ARHGAP20: variants seen among roughly 807,000 people sequenced by gnomAD.
ARHGAP20 encodes the protein Rho GTPase activating protein 20, also known as rho GTPase-activating protein 20.
Under a neutral mutation model 73.7 loss-of-function variants are expected in ARHGAP20, and 34 were observed. That is an observed-to-expected ratio of 0.46 (90% confidence interval 0.35 to 0.61). ARHGAP20 has a LOEUF of 0.61. ARHGAP20 is among the 20% of genes least tolerant of loss of function. ARHGAP20 has a pLI of 0.00. For synonymous variants in ARHGAP20, 523 were observed against 518.2 expected (o/e 1.01, Z -0.13); for missense variants, 1,314 against 1,420.9 (o/e 0.92, Z 1.21).
At chr11:110,639,578 A>G (rs77791302) in intron 2 of ARHGAP20, among the ~76,000 whole-genome samples, 3,344 of 152,066 alleles carry the variant, frequency 0.022, 126 homozygotes, top group African/African-American at 0.076. Flanking sequence ...TAAGCAGTCT[A>G]TAAGCTTTTC....
chr11:110,694,349 C>G (rs761356654), intron 1 of ARHGAP20, among the ~76,000 whole-genome samples: 3 of 151,694 alleles, frequency 2.0e-5, no homozygotes, highest in Non-Finnish European at 4.4e-5. Context: ...GGTTGGTGTA[C>G]AAGTAATTGC....
intron 2 of ARHGAP20, among the ~76,000 whole-genome samples, chr11:110,650,916 T>G (rs1234108663): frequency 6.6e-6 from 1 of 152,110 alleles, no homozygotes; most frequent in East Asian, 1.9e-4. Context: ...AGGACAAATC[T>G]TTCAATTTTG....
rs962746859 is a variant in ARHGAP20, at chr11:110,704,186, T to C, written c.105+7941A>G. 1.2e-4 allele frequency among the ~76,000 whole-genome samples: 19 copies of C among 152,264 alleles called. 1 individual carries two copies. The highest frequency in any genetic ancestry group is 4.6e-4 in the Admixed American group (7 of 15,286). ...TAGTGTTACCTGGTGATGGCTATTG[T>C]TAAAGCTGAGGTTCAAAAGAGTGAA... On this transcript the variant is annotated intron_variant, in intron 1 of 14. Transcript: ENST00000683387.
chr11:110,612,383 G>A (rs1464195159), intron 6 of ARHGAP20, among the ~76,000 whole-genome samples: 18 of 151,288 alleles, frequency 1.2e-4, no homozygotes, highest in Non-Finnish European at 2.2e-4. Context: ...AGCCGAGATC[G>A]CGCCACTGCA....
chr11:110,644,404 C>A (rs1383883928), intron 2 of ARHGAP20, among the ~76,000 whole-genome samples: 1 of 151,898 alleles, frequency 6.6e-6, no homozygotes, highest in Non-Finnish European at 1.5e-5. Flanking sequence ...GACTTCAAAC[C>A]ATACTACAAG....
chr11:110,624,180 T>C lies in ARHGAP20; in HGVS notation c.485A>G (p.Asn162Ser), dbSNP rs771763099. 1.9e-6 allele frequency: 3 copies of C among 1,611,290 alleles called. No individual in the cohort carries two copies. The highest frequency in any genetic ancestry group is 4.5e-5 in the East Asian group (2 of 44,724). ...TTCTTACCTGAAAGTGGCCACAAAG[T>C]TCACTGTGGGCCAGCCCAAAACAAA... ...KSFVLGWPTV[N>S]FVATFSSPEQ... is the part of the protein sequence containing the mutation. The change falls in exon 4 of 15, where the codon AAC becomes AGC. Residue 162 changes from asparagine to serine, a missense_variant. Physicochemically the swap from Asn to Ser is conservative, Grantham distance 46. Transcript: ENST00000683387.
chr11:110,662,225 GGA>G (rs1169659429), intron 2 of ARHGAP20, among the ~76,000 whole-genome samples: 3 of 151,702 alleles, frequency 2.0e-5, no homozygotes, highest in Non-Finnish European at 4.4e-5. Flanking sequence ...ACAGTATTGA[GGA>G]GACAGAAATA....
chr11:110,625,026 ATT>A (rs1565445279), intron 3 of ARHGAP20, among the ~76,000 whole-genome samples: 5 of 112,454 alleles, frequency 4.4e-5, no homozygotes, highest in East Asian at 3.5e-4. Context: ...TTTTATTTTT[ATT>A]TTTATTTTTT....
intron 2 of ARHGAP20, among the ~76,000 whole-genome samples, chr11:110,654,590 T>C (rs74557983): frequency 0.025 from 3,882 of 152,290 alleles, 155 homozygotes; most frequent in African/African-American, 0.082. Context: ...AACCACATTT[T>C]AAGTCATTTT....
rs192311099 is a variant in ARHGAP20, at chr11:110,609,091, C to T, written c.709-41G>A. 51 of 1,563,866 alleles carry T rather than the reference C, an allele frequency of 3.3e-5. 1 individual carries two copies. The African/African-American group carries it at 6.2e-4, about 19-fold the overall frequency. ...GTTAAATGTCACAATAAATCTTTCA[C>T]ATTTGATACTTGAATGAGGACACAT... On this transcript the variant is annotated intron_variant, in intron 7 of 14. Transcript: ENST00000683387.
intron 1 of ARHGAP20, among the ~76,000 whole-genome samples, chr11:110,696,740 G>A (rs1261406117): frequency 6.6e-6 from 1 of 151,286 alleles, no homozygotes; most frequent in East Asian, 1.9e-4. Context: ...CCTCCCTTTT[G>A]GAGTCTCCAG....
At position 110,595,368 on chromosome 11, in the gene ARHGAP20, T is replaced by C. The variant is rs142879234; in HGVS notation, c.965-3213A>G. On this transcript the variant is annotated intron_variant, in intron 9 of 14. Transcript: ENST00000683387. ...AAGTCAAATTGTCCCTGTTTGCAGA[T>C]GACACGATTGTATATCTAGAAAACC... Among the ~76,000 whole-genome samples the C allele has an allele frequency of 4.6e-3, 695 of 152,340 alleles. 2 individuals carry two copies. The highest frequency in any genetic ancestry group is 0.016 in the African/African-American group (660 of 41,578).
chr11:110,687,340 G>T (rs1018631434), intron 2 of ARHGAP20, among the ~76,000 whole-genome samples: 2 of 152,042 alleles, frequency 1.3e-5, no homozygotes, highest in Middle Eastern at 3.4e-3. Flanking sequence ...GTGCCACTAT[G>T]TCCAGCCAAA....
chr11:110,651,710 G>A (rs752474499), intron 2 of ARHGAP20, among the ~76,000 whole-genome samples: 12 of 149,432 alleles, frequency 8.0e-5, no homozygotes, highest in Non-Finnish European at 4.4e-5. Flanking sequence ...CCAATAATGA[G>A]TTCTGTAATT....
Position 110,578,608 on chromosome 11 carries a change from A to G in ARHGAP20, c.*762T>C, listed in dbSNP as rs1341519018. On this transcript the variant is annotated 3_prime_UTR_variant, in exon 15 of 15. Transcript: ENST00000683387. Reference sequence around the variant, plus strand: ...TGTTCCTAGGCAGAGATACCTTTGAAAGGGTACTGAAATGGGCAGCCATTT... The same window carrying G: ...TGTTCCTAGGCAGAGATACCTTTGAGAGGGTACTGAAATGGGCAGCCATTT... 6.1e-6 allele frequency: 6 copies of G among 985,304 alleles called. No homozygotes were observed. The African/African-American group carries it at 1.0e-4, about 17-fold the overall frequency. 61.0% of individuals were successfully genotyped at this position (985,304 alleles called of 1,614,324 possible).
chr11:110,598,637 G>A (rs1948032696), intron 9 of ARHGAP20, among the ~76,000 whole-genome samples: 1 of 152,190 alleles, frequency 6.6e-6, no homozygotes, highest in Admixed American at 6.5e-5. Flanking sequence ...CTGCCTGAAG[G>A]AACAAAGATT....
chr11:110,682,483 A>C (rs139626332), intron 2 of ARHGAP20, among the ~76,000 whole-genome samples: 1 of 152,138 alleles, frequency 6.6e-6, no homozygotes, highest in African/African-American at 2.4e-5. Context: ...CTATGCACTA[A>C]GGTACTGTAT....
chr11:110,598,549 G>C (rs895352676), intron 9 of ARHGAP20, among the ~76,000 whole-genome samples: 2 of 152,188 alleles, frequency 1.3e-5, no homozygotes, highest in African/African-American at 4.8e-5. Context: ...TGTCTAAAGA[G>C]ACAAGTAGAT....
chr11:110,671,967 G>GCAA (rs1286897254), intron 2 of ARHGAP20, among the ~76,000 whole-genome samples: 1 of 152,032 alleles, frequency 6.6e-6, no homozygotes, highest in East Asian at 1.9e-4. Flanking sequence ...AGTTGATACT[G>GCAA]CAACAACTGG....
Sources: allele counts gnomAD v4.1 joint callset (sites outside exome capture counted in the v4.1 genomes callset), GRCh38; gene constraint gnomAD v4.1.1; transcripts MANE v1.5; gene names NCBI Gene and HGNC (gene_info 2026-07-23, HGNC 2026-07-21).